Variants in TENM4 observed in about 807,000 individuals in gnomAD.
TENM4 encodes the protein teneurin-4.
In TENM4, 82 loss-of-function variants were observed where a neutral mutation model predicts 243.3. That is an observed-to-expected ratio of 0.34 (90% CI 0.28 to 0.40). The LOEUF (loss-of-function observed/expected upper bound fraction) is 0.40, where lower values mean the gene tolerates loss of function less well. Among genes scored for constraint, TENM4 ranks in the 10% least tolerant of loss-of-function variants. TENM4 has a pLI of 1.00. For synonymous variants in TENM4, 1,412 were observed against 1,456.3 expected, an observed-to-expected ratio of 0.97 and a Z score of 0.69; for missense variants, 3,138 against 3,673.3, an observed-to-expected ratio of 0.85 and a Z score of 3.77.
chr11:79,041,207 G>A (rs1269982406), intron 6 of TENM4, among the ~76,000 whole-genome samples: 1 of 152,120 alleles, frequency 6.6e-6, no homozygotes, highest in Non-Finnish European at 1.5e-5. Flanking sequence ...GGGACTACAG[G>A]CATCTGCCAC....
chr11:79,346,788 C>T (rs1857333441), intron 1 of TENM4, among the ~76,000 whole-genome samples: 1 of 152,202 alleles, frequency 6.6e-6, no homozygotes, highest in Admixed American at 6.5e-5. Context: ...TGGGCATAAA[C>T]CATTTTCCCC....
rs1444339905 is a variant in TENM4 at position 78,963,741 on chromosome 11, T to C, written c.494-60218A>G. Among the ~76,000 whole-genome samples, 3 of 150,486 alleles carry C rather than the reference T, an allele frequency of 2.0e-5. No homozygotes were observed. In the East Asian group the frequency reaches 5.9e-4, roughly 29 times the overall value. Reference sequence around the variant, plus strand: ...TGGCAGGTTCCATGACTTTTTTTTTTTTTTTTTTGAGACAGAGTCTCACTC... The same window carrying C: ...TGGCAGGTTCCATGACTTTTTTTTTCTTTTTTTTGAGACAGAGTCTCACTC... On this transcript the variant is annotated intron_variant, in intron 6 of 33. Transcript: ENST00000278550.
At chr11:78,802,126 T>C (rs577704070) in intron 15 of TENM4, among the ~76,000 whole-genome samples, 12 of 152,344 alleles carry the variant, frequency 7.9e-5, no homozygotes, top group African/African-American at 2.9e-4. Context: ...TTCTTGGCTC[T>C]AGTGAATCCA....
chr11:78,878,159 T>C (rs1038712464), intron 9 of TENM4, among the ~76,000 whole-genome samples: 1 of 152,200 alleles, frequency 6.6e-6, no homozygotes, highest in Non-Finnish European at 1.5e-5. Context: ...CTTTCCTTTT[T>C]CTTTCTCCCC....
At chr11:79,341,386 C>T (rs554420814) in intron 1 of TENM4, among the ~76,000 whole-genome samples, 130 of 152,302 alleles carry the variant, frequency 8.5e-4, no homozygotes, top group African/African-American at 3.0e-3. Flanking sequence ...ACGTGCCATG[C>T]CTATCCTGAG....
intron 2 of TENM4, among the ~76,000 whole-genome samples, chr11:79,291,473 A>T (rs1856356225): frequency 6.6e-6 from 1 of 152,098 alleles, no homozygotes; most frequent in Non-Finnish European, 1.5e-5. Context: ...CCAAACATCC[A>T]CCCTAGCAAC....
chr11:78,775,187 A>G (rs1856717137), intron 17 of TENM4, among the ~76,000 whole-genome samples: 1 of 152,212 alleles, frequency 6.6e-6, no homozygotes. Context: ...TTGACCTCAG[A>G]ACTCTTTACC....
chr11:79,243,106 C>T (rs1590820524), intron 2 of TENM4, among the ~76,000 whole-genome samples: 1 of 152,208 alleles, frequency 6.6e-6, no homozygotes, highest in East Asian at 1.9e-4. Flanking sequence ...CACTTTTGTT[C>T]CTGGCTTCAG....
chr11:79,170,565 G>A (rs1334749184), intron 3 of TENM4, among the ~76,000 whole-genome samples: 3 of 152,168 alleles, frequency 2.0e-5, no homozygotes, highest in Non-Finnish European at 2.9e-5. Context: ...TGGAAATAGT[G>A]ACACAGACAT....
At chr11:79,088,970 T>C (rs1860882169) in intron 4 of TENM4, among the ~76,000 whole-genome samples, 1 of 152,184 alleles carries the variant, frequency 6.6e-6, no homozygotes, top group African/African-American at 2.4e-5. Flanking sequence ...GTCAGTTGTT[T>C]ATATCCCTGC....
At chr11:78,783,814 A>C (rs56228574) in intron 16 of TENM4, among the ~76,000 whole-genome samples, 2,276 of 152,348 alleles carry the variant, frequency 0.015, 22 homozygotes, top group African/African-American at 0.034. Context: ...AGGTGAGCCA[A>C]AGGCTCCAAA....
intron 9 of TENM4, among the ~76,000 whole-genome samples, chr11:78,874,613 T>C (rs992457009): frequency 6.6e-6 from 1 of 152,176 alleles, no homozygotes; most frequent in Non-Finnish European, 1.5e-5. Context: ...AAGTGCTAAT[T>C]ATCCTAAAAT....
At chr11:78,718,655 T>C (rs560922648) in intron 25 of TENM4, among the ~76,000 whole-genome samples, 1 of 152,338 alleles carries the variant, frequency 6.6e-6, no homozygotes. Flanking sequence ...AATGTACTTC[T>C]GTGTTTTCTG....
At chr11:79,030,994 C>G (rs540908404) in intron 6 of TENM4, among the ~76,000 whole-genome samples, 1 of 152,040 alleles carries the variant, frequency 6.6e-6, no homozygotes, top group African/African-American at 2.4e-5. Context: ...AAAGGAGACA[C>G]GAAGGTGGAT....
At chr11:79,350,057 G>C (rs1365089892) in intron 1 of TENM4, among the ~76,000 whole-genome samples, 1 of 152,148 alleles carries the variant, frequency 6.6e-6, no homozygotes, top group East Asian at 1.9e-4. Context: ...TGGGACTAAT[G>C]GGATAAAGCA....
intron 1 of TENM4, among the ~76,000 whole-genome samples, chr11:79,335,394 C>G (rs1345412532): frequency 6.6e-6 from 1 of 152,242 alleles, no homozygotes; most frequent in Non-Finnish European, 1.5e-5. Context: ...TGCTAGGAAA[C>G]AGCTAGTTTG....
chr11:78,834,864 C>T (rs1464283257), intron 12 of TENM4, among the ~76,000 whole-genome samples: 1 of 152,112 alleles, frequency 6.6e-6, no homozygotes, highest in East Asian at 1.9e-4. Context: ...CTGAATCCAC[C>T]CGTTTCCAGC....
At chr11:79,124,458 T>C (rs186538639) in intron 4 of TENM4, among the ~76,000 whole-genome samples, 189 of 152,210 alleles carry the variant, frequency 1.2e-3, no homozygotes, top group African/African-American at 4.2e-3. Context: ...GGATGCTTCC[T>C]GGCCTCAAAA....
At chr11:79,091,238 C>G (rs1416523635) in intron 4 of TENM4, among the ~76,000 whole-genome samples, 1 of 152,174 alleles carries the variant, frequency 6.6e-6, no homozygotes, top group Admixed American at 6.5e-5. Flanking sequence ...TTTGGACTGG[C>G]CTGAATGAAT....
Sources: gnomAD v4.1 joint callset for allele counts (sites outside exome capture counted in the v4.1 genomes callset) on GRCh38, gnomAD v4.1.1 for gene constraint, MANE v1.5 for transcripts, NCBI Gene and HGNC (gene_info 2026-07-23, HGNC 2026-07-21) for gene names.